TSPAN33: variants seen among roughly 807,000 people sequenced by gnomAD.
The protein encoded by TSPAN33 is tetraspanin-33.
TSPAN33 carries 27 observed loss-of-function variants against 34.8 expected under a neutral mutation model. The ratio of observed to expected loss-of-function variants is 0.78; its 90% CI spans 0.57 to 1.07. The LOEUF is 1.07. TSPAN33 is among the 50% of genes least tolerant of loss of function. The probability of loss-of-function intolerance (pLI) is 0.00; values close to 1 mark genes in which losing one functional copy is unlikely to be tolerated. For synonymous variants in TSPAN33, 119 were observed against 124.2 expected (o/e 0.96, Z 0.28); for missense variants, 272 against 324.9 (o/e 0.84, Z 1.25).
chr7:129,152,889 T>C (rs1006653975), intron 1 of TSPAN33, among the ~76,000 whole-genome samples: 1 of 150,728 alleles, frequency 6.6e-6, no homozygotes, highest in Non-Finnish European at 1.5e-5. Flanking sequence ...AGAAACCCCA[T>C]CTCTACTAAA....
chr7:129,149,820 G>A (rs1485682896), intron 1 of TSPAN33, among the ~76,000 whole-genome samples: 1 of 152,244 alleles, frequency 6.6e-6, no homozygotes, highest in Admixed American at 6.5e-5. Context: ...CAGAGGGAGA[G>A]CGCTGACAGC....
At chr7:129,153,310 C>G (rs1047378826) in intron 1 of TSPAN33, among the ~76,000 whole-genome samples, 5 of 151,922 alleles carry the variant, frequency 3.3e-5, no homozygotes, top group South Asian at 2.1e-4. Context: ...AGCACTGCAC[C>G]CTGATGGTGG....
In TSPAN33 at chr7:129,164,521, C is replaced by T. The variant is rs1286905068; in HGVS notation, c.411C>T (p.Tyr137=). 1 of 1,613,974 alleles carries T rather than the reference C, an allele frequency of 6.2e-7. No homozygotes were observed. The highest frequency in any genetic ancestry group is 1.3e-5 in the African/African-American group (1 of 74,924). ...SEIINNAIVH[Y]RDDLDLQNLI... ...TCATCAACAATGCCATTGTGCACTA[C>T]CGAGATGACTTGGATCTGCAGAACC... The change falls in exon 5 of 8, where the codon TAC becomes TAT. Residue 137 remains tyrosine (Y), a synonymous_variant. Transcript: ENST00000486685.
intron 1 of TSPAN33, among the ~76,000 whole-genome samples, chr7:129,155,817 G>C (rs1028942723): frequency 2.6e-5 from 4 of 151,974 alleles, no homozygotes; most frequent in African/African-American, 9.7e-5. Flanking sequence ...AACCTCCTGG[G>C]GTCAAGCGAT....
chr7:129,162,595 T>A (rs974730563), intron 3 of TSPAN33, 74 bp downstream of exon 3: 7 of 1,590,430 alleles, frequency 4.4e-6, no homozygotes, highest in Non-Finnish European at 6.0e-6. Context: ...CACGGCCCTT[T>A]GGTTGCCTTG....
rs1480261814 is a variant in TSPAN33, at chr7:129,166,870, T to G, written c.552T>G (p.Ser184=). 7.4e-6 allele frequency: 12 copies of G among 1,614,010 alleles called. No homozygotes were observed. The highest frequency in any genetic ancestry group is 2.7e-5 in the African/African-American group (2 of 74,938). Residue 184 remains serine (S), a synonymous_variant, in exon 6 of 8, where the codon TCT becomes TCG. Transcript: ENST00000486685. ...ACAACCCCAGTCGAGAGCGCTGCTC[T>G]GTGCCTTACTCCTGTTGCTTGCCTA... The part of the protein sequence containing the change: ...SEDNPSRERC[S]VPYSCCLPTP...
intron 5 of TSPAN33, chr7:129,164,918 C>T: frequency 5.1e-6 from 1 of 197,872 alleles, no homozygotes; most frequent in East Asian, 1.2e-4. Context: ...ACTCCTTGTT[C>T]TACTCTTTCC....
At chr7:129,145,105 C>G (rs769289135) in intron 1 of TSPAN33, 23 bp downstream of exon 1, 12 of 673,810 alleles carry the variant, frequency 1.8e-5, no homozygotes, top group Non-Finnish European at 2.7e-6. Context: ...GTCGAGGGCA[C>G]CTGGGCGGCG....
chr7:129,147,061 T>G (rs1025365401), intron 1 of TSPAN33, among the ~76,000 whole-genome samples: 1 of 151,774 alleles, frequency 6.6e-6, no homozygotes, highest in Non-Finnish European at 1.5e-5. Flanking sequence ...TTTACCTTGG[T>G]AAAAATGCTT....
Position 129,168,071 on chromosome 7 carries a change from C to G in TSPAN33, c.*197C>G. On this transcript the variant is annotated 3_prime_UTR_variant, in exon 8 of 8. Coordinates refer to ENST00000486685, the MANE Select transcript of TSPAN33 (RefSeq NM_178562.5). ...GTCTCAGGAGGATGCGCCTCCTCTC[C>G]CCCATCCCAGCCCTCAGCATTGTGC... The G allele has an allele frequency of 9.2e-7, 1 of 1,086,126 alleles. No homozygotes were observed. Among genetic ancestry groups the G allele is most frequent in the Non-Finnish European group, 1.3e-6 (1 of 783,676 alleles). The allele number at this position is 1,086,126 out of a possible 1,614,324, so 67.3% of individuals were successfully genotyped here.
chr7:129,149,861 C>T (rs947444232), intron 1 of TSPAN33, among the ~76,000 whole-genome samples: 4 of 152,242 alleles, frequency 2.6e-5, no homozygotes, highest in Admixed American at 6.5e-5. Flanking sequence ...CCACCTCAGA[C>T]ACCCATAACA....
chr7:129,148,567 C>T lies in TSPAN33; in HGVS notation c.102+3485C>T, dbSNP rs1810550867. Among the ~76,000 whole-genome samples, 1 of 152,172 alleles carries T rather than the reference C, an allele frequency of 6.6e-6. No homozygotes were observed. Among genetic ancestry groups the T allele is most frequent in the South Asian group, 2.1e-4 (1 of 4,824 alleles). On this transcript the variant is annotated intron_variant, in intron 1 of 7. Transcript: ENST00000486685. The surrounding 1 kb of genome is among the most constrained non-coding windows in gnomAD (Gnocchi z 4.2). The stretch of plus-strand genomic sequence containing the variant: ...TCATGGACACTGGCCTGTCAAGATG[C>T]AGCTCAACCTGGGGTCCTTGAGCAC...
At chr7:129,166,018 C>T (rs928189556) in intron 5 of TSPAN33, among the ~76,000 whole-genome samples, 4 of 152,120 alleles carry the variant, frequency 2.6e-5, no homozygotes, top group African/African-American at 9.6e-5. Flanking sequence ...CCCACTGCAA[C>T]ATCCGCCTCC....
intron 3 of TSPAN33, 138 bp downstream of exon 3, chr7:129,162,659 C>G: frequency 6.7e-7 from 1 of 1,485,136 alleles, no homozygotes; most frequent in Non-Finnish European, 9.1e-7. Context: ...GAGCTTAGCC[C>G]GGGTGACCCA....
chr7:129,162,401 C>T lies in TSPAN33; in HGVS notation c.168C>T (p.Ala56=), dbSNP rs1172690521. 2 of 1,613,092 alleles carry T rather than the reference C, an allele frequency of 1.2e-6. No individual in the cohort carries two copies. The highest frequency in any genetic ancestry group is 2.2e-5 in the East Asian group (1 of 44,884). Residue 56 remains alanine, a synonymous_variant, in exon 3 of 8, where the codon GCC becomes GCT. Transcript: ENST00000486685. ...GGCCGGCTCCTTTTCCAGAAGCAGC[C>T]CTAGCCTGCCTGGCAGTGGACCCTG... ...YARLMKHAEA[A]LACLAVDPAI...
chr7:129,166,912 C>T lies in TSPAN33; in HGVS notation c.588+6C>T, dbSNP rs756158077. 1 of 1,611,590 alleles carries T rather than the reference C, an allele frequency of 6.2e-7. No homozygotes were observed. The highest frequency in any genetic ancestry group is 1.1e-5 in the South Asian group (1 of 90,604). ...GCTTGCCTACTCCTGACCAGGTGAGCCAGCATCCTGCCTCATTTCCTCCTA... is the reference window on the plus strand; with the variant it reads ...GCTTGCCTACTCCTGACCAGGTGAGTCAGCATCCTGCCTCATTTCCTCCTA... On this transcript the variant is annotated splice_donor_region_variant and intron_variant, in intron 6 of 7. Transcript: ENST00000486685.
Position 129,145,083 on chromosome 7 carries a change from G to T in TSPAN33, c.102+1G>T. 1 of 715,956 alleles carries T rather than the reference G, an allele frequency of 1.4e-6. No homozygotes were observed. The highest frequency in any genetic ancestry group is 2.6e-6 in the Non-Finnish European group (1 of 386,236). 44.4% of individuals were successfully genotyped at this position (715,956 alleles called of 1,614,324 possible). ...CTTCTTCTTCAACATGCTCTTCTGGGTGAGTCTCGGGGTCGAGGGCACCTG... is the reference window on the plus strand; with the variant it reads ...CTTCTTCTTCAACATGCTCTTCTGGTTGAGTCTCGGGGTCGAGGGCACCTG... On this transcript the variant is annotated splice_donor_variant, in intron 1 of 7. Transcript: ENST00000486685. LOFTEE classifies it high-confidence loss of function.
intron 1 of TSPAN33, among the ~76,000 whole-genome samples, chr7:129,152,857 G>A (rs774052847): frequency 1.3e-5 from 2 of 151,898 alleles, no homozygotes; most frequent in African/African-American, 2.4e-5. Flanking sequence ...TTGGGAGTTC[G>A]AGACCACCAT....
rs575232036 is a variant in TSPAN33, at chr7:129,157,726, G to T, written c.103-3953G>T. Among the ~76,000 whole-genome samples the T allele has an allele frequency of 3.9e-5, 6 of 152,296 alleles. No individual in the cohort carries two copies. In the South Asian group the frequency reaches 1.2e-3, roughly 32 times the overall value. ...TAAGTCCCAGGCGATTCTAATGGCA[G>T]CCAAAGTTGAGCATGTGCTTTCAGC... On this transcript the variant is annotated intron_variant, in intron 1 of 7. Coordinates refer to ENST00000486685, the MANE Select transcript of TSPAN33 (RefSeq NM_178562.5).
Sources: allele counts gnomAD v4.1 joint callset (sites outside exome capture counted in the v4.1 genomes callset), GRCh38; gene constraint gnomAD v4.1.1; non-coding constraint Gnocchi (gnomAD v3.1); transcripts MANE v1.5; gene names NCBI Gene and HGNC (gene_info 2026-07-23, HGNC 2026-07-21).